FSTL5: variants seen among roughly 807,000 people sequenced by gnomAD.
The protein encoded by FSTL5 is follistatin-related protein 5.
FSTL5 carries 62 observed loss-of-function variants against 89.1 expected under a neutral mutation model. The ratio of observed to expected loss-of-function variants is 0.70; its 90% confidence interval spans 0.57 to 0.86. The LOEUF is 0.86. Among genes scored for constraint, FSTL5 ranks in the 40% least tolerant of loss-of-function variants. FSTL5 has a pLI of 0.00. For missense variants in FSTL5, 1,057 were observed against 1,001.6 expected (o/e 1.06, Z -0.75); for synonymous variants, 383 against 346.2 (o/e 1.11, Z -1.18).
intron 14 of FSTL5, 22 bp from the exon 15 acceptor site, chr4:161,455,150 T>G: frequency 1.3e-6 from 2 of 1,571,854 alleles, no homozygotes; most frequent in Non-Finnish European, 8.6e-7. Flanking sequence ...ACACCTTGGT[T>G]AGACCTCAAC....
chr4:161,983,720 A>G (rs539099869), intron 3 of FSTL5, among the ~76,000 whole-genome samples: 1 of 152,282 alleles, frequency 6.6e-6, no homozygotes, highest in Admixed American at 6.5e-5. Context: ...TTATGAATAC[A>G]TGTTTTTCAA....
chr4:161,710,941 A>C (rs1738755990), intron 6 of FSTL5, among the ~76,000 whole-genome samples: 1 of 152,212 alleles, frequency 6.6e-6, no homozygotes, highest in Non-Finnish European at 1.5e-5. Flanking sequence ...TAAATAGATA[A>C]TGCATTCAAG....
chr4:161,939,633 G>T (rs989302677), intron 3 of FSTL5, among the ~76,000 whole-genome samples: 30 of 151,834 alleles, frequency 2.0e-4, no homozygotes, highest in Admixed American at 6.6e-4. Flanking sequence ...ATTGATTTTT[G>T]TTACAAAAGG....
intron 1 of FSTL5, among the ~76,000 whole-genome samples, chr4:162,112,809 ACACAC>A (rs889173899): frequency 6.7e-6 from 1 of 148,266 alleles, no homozygotes; most frequent in African/African-American, 2.5e-5. Flanking sequence ...ACACACACAC[ACACAC>A]ACCAGTGGGC....
chr4:161,527,737 C>T (rs1423416357), intron 10 of FSTL5, among the ~76,000 whole-genome samples: 7 of 151,686 alleles, frequency 4.6e-5, no homozygotes, highest in South Asian at 2.1e-4. Context: ...GTCAGTGTGG[C>T]GATTCCTCAG....
At chr4:161,596,388 AC>A (rs1291044397) in intron 7 of FSTL5, among the ~76,000 whole-genome samples, 28 of 151,970 alleles carry the variant, frequency 1.8e-4, no homozygotes, top group African/African-American at 6.8e-4. Flanking sequence ...TATTAAGCAA[AC>A]AAAAATAAAA....
intron 3 of FSTL5, among the ~76,000 whole-genome samples, chr4:162,013,201 T>A (rs916718268): frequency 2.5e-5 from 3 of 121,272 alleles, no homozygotes; most frequent in East Asian, 2.3e-4. Context: ...AAAAAAAAAT[T>A]TTCAGTATAC....
At chr4:161,801,440 G>GAA (rs1293713377) in intron 4 of FSTL5, among the ~76,000 whole-genome samples, 1 of 151,360 alleles carries the variant, frequency 6.6e-6, no homozygotes, top group Non-Finnish European at 1.5e-5. Context: ...TTTCTTTAAA[G>GAA]AAAAACCTCC....
chr4:161,528,877 C>T (rs13125474), intron 10 of FSTL5, among the ~76,000 whole-genome samples: 48,622 of 141,514 alleles, frequency 0.34, 13,784 homozygotes, highest in South Asian at 0.45. Flanking sequence ...TTTTTAAGTT[C>T]AATAGAGACT....
intron 15 of FSTL5, among the ~76,000 whole-genome samples, chr4:161,430,339 A>AT (rs76041294): frequency 0.16 from 23,686 of 152,106 alleles, 1,984 homozygotes; most frequent in East Asian, 0.24. Flanking sequence ...CAAAGTCATC[A>AT]AACAGAGAAC....
intron 10 of FSTL5, among the ~76,000 whole-genome samples, chr4:161,521,745 A>G (rs994563660): frequency 5.3e-5 from 8 of 150,428 alleles, no homozygotes; most frequent in Non-Finnish European, 1.2e-4. Context: ...GCTACTTGGG[A>G]AGCTGAGGCA....
chr4:162,110,308 A>T (rs1731385632), intron 2 of FSTL5, among the ~76,000 whole-genome samples: 1 of 152,008 alleles, frequency 6.6e-6, no homozygotes, highest in African/African-American at 2.4e-5. Flanking sequence ...TGAAGATTAA[A>T]TCAGATAATA....
chr4:161,981,464 C>T (rs396016), intron 3 of FSTL5, among the ~76,000 whole-genome samples: 11,243 of 152,160 alleles, frequency 0.074, 1,161 homozygotes, highest in African/African-American at 0.23. Context: ...AAATTTTCAC[C>T]ATTTCATGAC....
intron 3 of FSTL5, among the ~76,000 whole-genome samples, chr4:161,980,254 G>T (rs566389081): frequency 1.5e-5 from 1 of 65,450 alleles, no homozygotes; most frequent in South Asian, 7.5e-4. Flanking sequence ...GAAGAAGGAA[G>T]AAAGAAAAAA....
chr4:161,947,042 C>CT (rs1734755061), intron 3 of FSTL5, among the ~76,000 whole-genome samples: 1 of 151,640 alleles, frequency 6.6e-6, no homozygotes, highest in African/African-American at 2.4e-5. Context: ...TAGTTCAAGT[C>CT]TTTTTTGTCC....
intron 7 of FSTL5, among the ~76,000 whole-genome samples, chr4:161,615,067 G>A (rs567648613): frequency 6.6e-6 from 1 of 151,990 alleles, no homozygotes; most frequent in East Asian, 1.9e-4. Flanking sequence ...GGCCAAAGCA[G>A]GCGCATCACA....
chr4:161,508,000 C>T (rs1256059865), intron 11 of FSTL5, among the ~76,000 whole-genome samples: 2 of 151,780 alleles, frequency 1.3e-5, no homozygotes, highest in African/African-American at 4.8e-5. Flanking sequence ...AAATATAAAA[C>T]ACTGCTAGAA....
chr4:162,057,359 A>C (rs560757866), intron 2 of FSTL5, among the ~76,000 whole-genome samples: 10 of 152,310 alleles, frequency 6.6e-5, no homozygotes, highest in African/African-American at 2.4e-4. Context: ...TGAAATGAAA[A>C]TCCCCTGAGC....
At chr4:161,561,153 G>C (rs1732582987) in intron 8 of FSTL5, among the ~76,000 whole-genome samples, 1 of 151,756 alleles carries the variant, frequency 6.6e-6, no homozygotes, top group African/African-American at 2.4e-5. Flanking sequence ...GTTCATCATT[G>C]ACAGAAATGT....
Sources: allele counts gnomAD v4.1 joint callset (sites outside exome capture counted in the v4.1 genomes callset), GRCh38; gene constraint gnomAD v4.1.1; transcripts MANE v1.5; gene names NCBI Gene and HGNC (gene_info 2026-07-23, HGNC 2026-07-21).